The following NINJ2 variants were observed in gnomAD, a reference collection of about 807,000 sequenced individuals.
NINJ2 encodes the protein ninjurin 2, also known as ninjurin-2.
In NINJ2, 12 loss-of-function variants were observed where a neutral mutation model predicts 11.7. The ratio of observed to expected loss-of-function variants is 1.02; its 90% CI spans 0.66 to 1.66. The LOEUF (loss-of-function observed/expected upper bound fraction) is 1.66, where lower values mean the gene tolerates loss of function less well. NINJ2 is among the 40% of genes most tolerant of loss of function. The probability of loss-of-function intolerance (pLI) is 0.00; values close to 1 mark genes in which losing one functional copy is unlikely to be tolerated. For missense variants in NINJ2, 187 were observed against 181.8 expected (o/e 1.03, Z -0.16); for synonymous variants, 93 against 76.8 (o/e 1.21, Z -1.10).
intron 1 of NINJ2, among the ~76,000 whole-genome samples, chr12:630,479 A>T (rs888171504): frequency 1.3e-5 from 2 of 151,918 alleles, no homozygotes; most frequent in Non-Finnish European, 2.9e-5. Flanking sequence ...GGTTCAAGCG[A>T]TTCTCCTGCC....
At chr12:657,895 C>T (rs113208822) in intron 1 of NINJ2, among the ~76,000 whole-genome samples, 2 of 150,932 alleles carry the variant, frequency 1.3e-5, no homozygotes, top group African/African-American at 4.9e-5. Context: ...TTCCAAAACT[C>T]AACACACTCT....
At chr12:577,879 A>AT (rs1221776070) in intron 1 of NINJ2, among the ~76,000 whole-genome samples, 9 of 150,774 alleles carry the variant, frequency 6.0e-5, no homozygotes, top group East Asian at 1.9e-4. Flanking sequence ...TTTTATTTTT[A>AT]TTTTTTTTTA....
chr12:601,398 A>G (rs1418934095), intron 1 of NINJ2, among the ~76,000 whole-genome samples: 2 of 151,408 alleles, frequency 1.3e-5, no homozygotes, highest in African/African-American at 2.4e-5. Flanking sequence ...TACAAAAAAA[A>G]TTAGCCAGGC....
chr12:628,250 GT>G lies in NINJ2; in HGVS notation c.33+35077del. On this transcript the variant is annotated intron_variant, in intron 1 of 3. Transcript: ENST00000305108. The surrounding 1 kb of genome is among the most constrained non-coding windows in gnomAD (Gnocchi z 4.4). ...ACACCTTTCCACCAGGGAAAACTGG[GT>G]GTGGATGTTTCCCCTTCGTATGTAC... 6.6e-6 allele frequency among the ~76,000 whole-genome samples: 1 copy of G among 152,272 alleles called. No homozygotes were observed. The highest frequency in any genetic ancestry group is 6.5e-5 in the Admixed American group (1 of 15,310).
At chr12:611,263 T>TTCTTTCTTTCTTTCTCTCTCTC (rs1948028984) in intron 1 of NINJ2, among the ~76,000 whole-genome samples, 9 of 126,370 alleles carry the variant, frequency 7.1e-5, no homozygotes, top group African/African-American at 2.5e-4. Flanking sequence ...CTCTCTTTCT[T>TTCTTTCTTTCTTTCTCTCTCTC]TCTTTCTTTC....
chr12:649,639 AAATAT>A (rs1241403769), intron 1 of NINJ2, among the ~76,000 whole-genome samples: 134 of 150,642 alleles, frequency 8.9e-4, no homozygotes, highest in Non-Finnish European at 2.4e-4. Flanking sequence ...TTTCTATTCT[AAATAT>A]AATATATGGG....
At chr12:593,190 G>A (rs775171138) in intron 1 of NINJ2, among the ~76,000 whole-genome samples, 38 of 152,314 alleles carry the variant, frequency 2.5e-4, no homozygotes, top group Non-Finnish European at 4.1e-4. Context: ...CTAACTGGGT[G>A]TAATGACTAC....
At chr12:576,828 A>G (rs2120816862) in intron 1 of NINJ2, among the ~76,000 whole-genome samples, 1 of 152,254 alleles carries the variant, frequency 6.6e-6, no homozygotes, top group East Asian at 1.9e-4. Flanking sequence ...TCCACCCTAA[A>G]CAAGAGCACT....
At chr12:608,929 T>A (rs963885396) in intron 1 of NINJ2, among the ~76,000 whole-genome samples, 1 of 152,104 alleles carries the variant, frequency 6.6e-6, no homozygotes, top group Non-Finnish European at 1.5e-5. Flanking sequence ...ATGTGGAAAG[T>A]GGACCAGGTG....
intron 1 of NINJ2, among the ~76,000 whole-genome samples, chr12:608,552 T>C (rs1034654384): frequency 2.0e-5 from 3 of 152,224 alleles, no homozygotes; most frequent in African/African-American, 7.2e-5. Context: ...ATGGCAGAAC[T>C]GGGAGTCAAA....
At chr12:634,699 G>A (rs1467154127) in intron 1 of NINJ2, among the ~76,000 whole-genome samples, 1 of 152,130 alleles carries the variant, frequency 6.6e-6, no homozygotes, top group Non-Finnish European at 1.5e-5. Context: ...ATTAAGGGGG[G>A]ATGAGTTCAA....
intron 1 of NINJ2, among the ~76,000 whole-genome samples, chr12:608,089 T>C (rs1947963526): frequency 6.6e-6 from 1 of 152,198 alleles, no homozygotes. Context: ...ATCCAAGGTC[T>C]GGATCTTCCC....
chr12:639,493 T>C (rs368018356), intron 1 of NINJ2, among the ~76,000 whole-genome samples: 1 of 46,950 alleles, frequency 2.1e-5, no homozygotes, highest in Non-Finnish European at 5.4e-5. Context: ...TCTTTTTTTC[T>C]ATTTTGTGTA....
rs919322422 is a variant in NINJ2, at chr12:631,186, C to T, written c.33+32142G>A. On this transcript the variant is annotated intron_variant, in intron 1 of 3. Transcript: ENST00000305108. ...TAATTTGGAGACGGAGGTGGATATG[C>T]ATATAACAGAACAGGATGCTCTCCG... Among the ~76,000 whole-genome samples, 144 of 152,130 alleles carry T rather than the reference C, an allele frequency of 9.5e-4. 1 individual carries two copies. Among genetic ancestry groups the T allele is most frequent in the African/African-American group, 3.4e-3 (141 of 41,512 alleles).
At chr12:579,577 T>C (rs1947517928) in intron 1 of NINJ2, among the ~76,000 whole-genome samples, 1 of 152,168 alleles carries the variant, frequency 6.6e-6, no homozygotes, top group Non-Finnish European at 1.5e-5. Context: ...ACATGCTTAC[T>C]TTATCTTACA....
intron 1 of NINJ2, chr12:642,970 G>A (rs1271968118): frequency 7.0e-6 from 1 of 142,084 alleles, no homozygotes; most frequent in Non-Finnish European, 1.5e-5. Context: ...CCGCCGGCCC[G>A]GCCCTCCCTC....
intron 1 of NINJ2, among the ~76,000 whole-genome samples, chr12:569,911 C>T (rs1480930280): frequency 6.6e-6 from 1 of 152,316 alleles, no homozygotes; most frequent in East Asian, 1.9e-4. Context: ...TCCCCGCCTG[C>T]TCCAGAGTGT....
chr12:622,079 G>A (rs536488097), intron 1 of NINJ2, among the ~76,000 whole-genome samples: 1 of 144,130 alleles, frequency 6.9e-6, no homozygotes, highest in African/African-American at 2.6e-5. Context: ...CTGAGATCAC[G>A]CCACTGTACT....
At chr12:645,723 G>A (rs1364072989) in intron 1 of NINJ2, 1 of 152,148 alleles carries the variant, frequency 6.6e-6, no homozygotes, top group Non-Finnish European at 1.5e-5. Context: ...TGAGTCAGCT[G>A]TGAGGGCTGA....
Sources: allele counts gnomAD v4.1 joint callset (sites outside exome capture counted in the v4.1 genomes callset), GRCh38; gene constraint gnomAD v4.1.1; non-coding constraint Gnocchi (gnomAD v3.1); transcripts MANE v1.5; gene names NCBI Gene and HGNC (gene_info 2026-07-23, HGNC 2026-07-21).